STOML3: variants seen among roughly 807,000 people sequenced by gnomAD.
STOML3 encodes stomatin like 3.
A neutral mutation model predicts 29.5 loss-of-function variants in STOML3; 31 were observed. The observed-to-expected ratio is 1.05, with a 90% CI of 0.79 to 1.42. STOML3 has a LOEUF of 1.42. Ranked by LOEUF, STOML3 falls within the 40% of genes most tolerant of loss-of-function variation. The probability of loss-of-function intolerance (pLI) is 0.00; values close to 1 mark genes in which losing one functional copy is unlikely to be tolerated. For synonymous variants in STOML3, 122 were observed against 139.8 expected, an observed-to-expected ratio of 0.87 and a Z score of 0.90; for missense variants, 380 against 363.0, an observed-to-expected ratio of 1.05 and a Z score of -0.38.
rs1881073329 is a variant in STOML3, at chr13:38,976,376, C to G, written c.229+164G>C. Among the ~76,000 whole-genome samples, 3 of 152,276 alleles carry G rather than the reference C, an allele frequency of 2.0e-5. No homozygotes were observed. The Middle Eastern group carries it at 0.01, about 518-fold the overall frequency. ...ACTGGTGGTCATTCCCACTGACTTG[C>G]ATTAAAAGGTGGCATTCTTCTGTTG... On this transcript the variant is annotated intron_variant, in intron 3 of 6. Coordinates refer to ENST00000379631, the MANE Select transcript of STOML3 (RefSeq NM_145286.3).
chr13:38,978,724 A>G (rs894147177), intron 1 of STOML3, among the ~76,000 whole-genome samples: 12 of 152,156 alleles, frequency 7.9e-5, no homozygotes, highest in African/African-American at 2.4e-4. Flanking sequence ...AAATGATACT[A>G]CCTCAAATCC....
Position 38,976,576 on chromosome 13 carries a change from G to A in STOML3, c.193C>T (p.Leu65=). 6.2e-7 allele frequency: 1 copy of A among 1,614,184 alleles called. No individual in the cohort carries two copies. The highest frequency in any genetic ancestry group is 1.7e-5 in the Admixed American group (1 of 60,024). Residue 65 remains leucine (L), a synonymous_variant, in exon 3 of 7, where the codon CTG becomes TTG. Transcript: ENST00000379631. The part of the protein sequence containing the change: ...KEYERAVVFR[L]GRIQADKAKG... ...GCTTTGTCAGCTTGGATGCGTCCCA[G>A]ACGGAATACAACAGCACGTTCATAC...
chr13:38,969,046 T>C (rs1256466974), intron 5 of STOML3, among the ~76,000 whole-genome samples: 2 of 152,210 alleles, frequency 1.3e-5, no homozygotes, highest in Non-Finnish European at 2.9e-5. Flanking sequence ...ACAATACATA[T>C]AAGATATCTC....
At chr13:38,975,431 C>T (rs1023888777) in intron 3 of STOML3, among the ~76,000 whole-genome samples, 1 of 152,108 alleles carries the variant, frequency 6.6e-6, no homozygotes, top group Non-Finnish European at 1.5e-5. Context: ...AGATCCATGG[C>T]TTATGGCCAA....
intron 1 of STOML3, among the ~76,000 whole-genome samples, chr13:38,987,771 ATAC>A (rs1301634972): frequency 8.4e-6 from 1 of 119,576 alleles, no homozygotes; most frequent in South Asian, 2.3e-4. Flanking sequence ...TATATAATAT[ATAC>A]TATTGTGTAT....
chr13:38,979,331 T>C (rs527537523), intron 1 of STOML3, among the ~76,000 whole-genome samples: 90 of 152,270 alleles, frequency 5.9e-4, no homozygotes, highest in African/African-American at 2.0e-3. Context: ...AGCCTATAGA[T>C]ATACATTCTC....
In STOML3 at chr13:38,976,691, T is replaced by C; in HGVS notation, c.156+3A>G. On this transcript the variant is annotated splice_donor_region_variant and intron_variant, in intron 2 of 6. Coordinates refer to ENST00000379631, the MANE Select transcript of STOML3 (RefSeq NM_145286.3). ...TAGCCCAGTTTATTTCCCAGGGTGT[T>C]ACCTTCAAGCACATCCATATGGAGA... 6.2e-7 allele frequency: 1 copy of C among 1,614,032 alleles called. No individual in the cohort carries two copies. Among genetic ancestry groups the C allele is most frequent in the Non-Finnish European group, 8.5e-7 (1 of 1,179,934 alleles).
Position 38,976,539 on chromosome 13 carries a change from C to A in STOML3, c.229+1G>T. 1 of 1,614,162 alleles carries A rather than the reference C, an allele frequency of 6.2e-7. No individual in the cohort carries two copies. The highest frequency in any genetic ancestry group is 8.5e-7 in the Non-Finnish European group (1 of 1,180,032). On this transcript the variant is annotated splice_donor_variant, in intron 3 of 6. Coordinates refer to ENST00000379631, the MANE Select transcript of STOML3 (RefSeq NM_145286.3). LOFTEE classifies it high-confidence loss of function. ...AGGGGCAGCCACCGCGTCATTCATA[C>A]CTGGCCCCTTGGCTTTGTCAGCTTG... is the stretch of plus-strand genomic sequence containing the variant.
At chr13:38,990,567 T>G in intron 1 of STOML3, 103 bp downstream of exon 1, 1 of 1,156,908 alleles carries the variant, frequency 8.6e-7, no homozygotes, top group Non-Finnish European at 1.2e-6. Context: ...GGCCGATTTC[T>G]GCAAATATAT....
intron 1 of STOML3, among the ~76,000 whole-genome samples, chr13:38,980,500 G>A (rs770311626): frequency 3.3e-5 from 5 of 152,082 alleles, no homozygotes; most frequent in Admixed American, 2.0e-4. Flanking sequence ...TTCAGAAATC[G>A]CCCTACTTCA....
chr13:38,979,981 T>G (rs1881216979), intron 1 of STOML3: 1 of 1,484,578 alleles, frequency 6.7e-7, no homozygotes, highest in Non-Finnish European at 9.2e-7. Flanking sequence ...GCCCTGGACA[T>G]TTCCAAAGTA....
rs531163756 is a variant in STOML3 at position 38,989,767 on chromosome 13, G to A, written c.52+903C>T. 2.7e-3 allele frequency among the ~76,000 whole-genome samples: 405 copies of A among 152,252 alleles called. 6 individuals carry two copies. Among genetic ancestry groups the A allele is most frequent in the African/African-American group, 9.3e-3 (387 of 41,554 alleles). Reference sequence around the variant, plus strand: ...CTGCCTTGGCCTTCCAAAGTGCTGCGATTACAGGGCATGCACCAGTGCATG... The same window carrying A: ...CTGCCTTGGCCTTCCAAAGTGCTGCAATTACAGGGCATGCACCAGTGCATG... On this transcript the variant is annotated intron_variant, in intron 1 of 6. Coordinates refer to ENST00000379631, the MANE Select transcript of STOML3 (RefSeq NM_145286.3).
At chr13:38,981,412 G>A (rs1474789348) in intron 1 of STOML3, among the ~76,000 whole-genome samples, 2 of 152,150 alleles carry the variant, frequency 1.3e-5, no homozygotes, top group Non-Finnish European at 2.9e-5. Context: ...TGTGAGCCAG[G>A]AAGTAGGAGA....
At chr13:38,971,866 A>G (rs1490850857) in intron 4 of STOML3, among the ~76,000 whole-genome samples, 2 of 152,150 alleles carry the variant, frequency 1.3e-5, no homozygotes, top group East Asian at 3.9e-4. Flanking sequence ...TAGAGGTTGC[A>G]ATGAGCCGAG....
chr13:38,973,084 C>G (rs1281917711), intron 3 of STOML3, among the ~76,000 whole-genome samples: 2 of 130,320 alleles, frequency 1.5e-5, no homozygotes. Flanking sequence ...CATGGTGAAG[C>G]CCCGTCTCTA....
intron 4 of STOML3, among the ~76,000 whole-genome samples, chr13:38,971,470 T>G (rs1880865180): frequency 6.6e-6 from 1 of 152,212 alleles, no homozygotes; most frequent in African/African-American, 2.4e-5. Context: ...CGTCTTCTTA[T>G]CACCATTGCC....
intron 1 of STOML3, among the ~76,000 whole-genome samples, chr13:38,988,867 TATATA>T (rs1314246334): frequency 7.0e-6 from 1 of 143,784 alleles, no homozygotes; most frequent in Non-Finnish European, 1.5e-5. Flanking sequence ...TATGCTGTAT[TATATA>T]ATATATATTA....
At chr13:38,990,547 A>C in intron 1 of STOML3, 123 bp downstream of exon 1, 1 of 880,816 alleles carries the variant, frequency 1.1e-6, no homozygotes, top group Non-Finnish European at 1.7e-6. Context: ...TGGGCTATAA[A>C]TGAAATTGAG....
chr13:38,983,778 T>G (rs1349967656), intron 1 of STOML3, among the ~76,000 whole-genome samples: 1 of 152,188 alleles, frequency 6.6e-6, no homozygotes, highest in African/African-American at 2.4e-5. Flanking sequence ...GAAGGATGAT[T>G]TGTGCTCAGT....
Sources: gnomAD v4.1 joint callset for allele counts (sites outside exome capture counted in the v4.1 genomes callset) on GRCh38, gnomAD v4.1.1 for gene constraint, MANE v1.5 for transcripts, NCBI Gene and HGNC (gene_info 2026-07-23, HGNC 2026-07-21) for gene names.